Variants in AK1 observed in about 807,000 individuals in gnomAD.
AK1 encodes adenylate kinase 1.
A neutral mutation model predicts 23.9 loss-of-function variants in AK1; 13 were observed. That is an observed-to-expected ratio of 0.54 (90% CI 0.35 to 0.86). The LOEUF (loss-of-function observed/expected upper bound fraction) is 0.86. Ranked by LOEUF, AK1 falls within the 40% of genes least tolerant of loss-of-function variation. The pLI, the probability that AK1 is intolerant of heterozygous loss-of-function variation, is 0.01. For synonymous variants in AK1, 97 were observed against 102.8 expected, an observed-to-expected ratio of 0.94 and a Z score of 0.34; for missense variants, 214 against 255.1, an observed-to-expected ratio of 0.84 and a Z score of 1.10.
Position 127,875,429 on chromosome 9 carries a change from A to C in AK1, c.-32-780T>G, listed in dbSNP as rs1829516677. On this transcript the variant is annotated intron_variant, in intron 1 of 6. Transcript: ENST00000644144. ...CCCCTATCTCAGAACTGCCCTCTGG[A>C]CACCTTTGGCCTCCACTTCTTCACT... Among the ~76,000 whole-genome samples the C allele has an allele frequency of 2.1e-5, 3 of 143,308 alleles. 1 individual carries two copies. The South Asian group carries it at 6.8e-4, about 32-fold the overall frequency. The allele number at this position is 143,308 out of a possible 152,430, so 94.0% of individuals were successfully genotyped here. A position where few individuals can be genotyped will look rare whatever the true frequency, so the allele number is the denominator to read the frequency against.
chr9:127,875,066 C>G (rs1829506862), intron 1 of AK1: 1 of 246,002 alleles, frequency 4.1e-6, no homozygotes, highest in Admixed American at 4.7e-5. Flanking sequence ...TCCCCAGGGC[C>G]AGAGGGAAGC....
intron 1 of AK1, among the ~76,000 whole-genome samples, chr9:127,875,849 A>C: frequency 6.6e-6 from 1 of 151,462 alleles, no homozygotes; most frequent in Non-Finnish European, 1.5e-5. Context: ...CTGTCTCCTC[A>C]CCACTATGTC....
At chr9:127,876,552 C>CG (rs1829541763) in intron 1 of AK1, among the ~76,000 whole-genome samples, 2 of 152,178 alleles carry the variant, frequency 1.3e-5, no homozygotes, top group Admixed American at 1.3e-4. Context: ...TGTGCTTCAG[C>CG]GGGGGTAGGA....
rs1338494405 is a variant in AK1, at chr9:127,868,442, C to T, written c.395G>A (p.Arg132His). ...PETMTQRLLK[R>H]GETSGRVDDN... ...GTCCACACGCCCGCTGGTCTCTCCA[C>T]GTTTCAAGAGCCGCTGGGTCATGGT... Residue 132 changes from arginine to histidine, a missense_variant, in exon 6 of 7, where the codon CGT (arginine) becomes CAT (histidine). Arg to His is a conservative substitution (Grantham distance 29, BLOSUM62 0). Coordinates refer to ENST00000644144, the MANE Select transcript of AK1 (RefSeq NM_000476.3). The surrounding 1 kb of genome is among the most constrained non-coding windows in gnomAD (Gnocchi z 4.1). The T allele has an allele frequency of 1.4e-5, 23 of 1,610,694 alleles. No homozygotes were observed. The highest frequency in any genetic ancestry group is 2.0e-5 in the Non-Finnish European group (23 of 1,178,552).
Position 127,867,007 on chromosome 9 carries a change from C to CTTTTTTTTTTTTTTTTTTTTTTTTTTTTT in AK1, c.*1000_*1001insAAAAAAAAAAAAAAAAAAAAAAAAAAAAA, listed in dbSNP as rs869298613. Reference sequence around the variant, plus strand: ...GACCATGACTCCCCCAATTCAATTTCTTTTTTTTTTTTTTTTTTTTTGAGA... The same window carrying CTTTTTTTTTTTTTTTTTTTTTTTTTTTTT: ...GACCATGACTCCCCCAATTCAATTTCTTTTTTTTTTTTTTTTTTTTTTTTTTTTTTTTTTTTTTTTTTTTTTTTTTGAGA... On this transcript the variant is annotated 3_prime_UTR_variant, in exon 7 of 7. Coordinates refer to ENST00000644144, the MANE Select transcript of AK1 (RefSeq NM_000476.3). The CTTTTTTTTTTTTTTTTTTTTTTTTTTTTT allele has an allele frequency of 8.7e-6, 1 of 115,086 alleles. No individual in the cohort carries two copies. Among genetic ancestry groups the CTTTTTTTTTTTTTTTTTTTTTTTTTTTTT allele is most frequent in the Non-Finnish European group, 1.7e-5 (1 of 57,544 alleles). The allele number at this position is 115,086 out of a possible 1,614,324, so 7.1% of individuals were successfully genotyped here.
chr9:127,873,381 C>T (rs998875170), intron 2 of AK1: 16 of 1,576,842 alleles, frequency 1.0e-5, no homozygotes, highest in Middle Eastern at 1.7e-4. Flanking sequence ...GCCTGGACCC[C>T]GGGGCCGGTC....
rs1829291202 is a variant in AK1 at position 127,868,157 on chromosome 9, C to T, written c.517-81G>A. On this transcript the variant is annotated intron_variant, in intron 6 of 6. Coordinates refer to ENST00000644144, the MANE Select transcript of AK1 (RefSeq NM_000476.3). This position sits in a 1 kb window ranked among gnomAD's most constrained non-coding sequence, Gnocchi z 4.1. The stretch of plus-strand genomic sequence containing the variant: ...ACCATGGCAGGCCCCAGAGACCAGG[C>T]CTGCCTCCCCGAGCCCAACCTAATT... 3 of 1,544,906 alleles carry T rather than the reference C, an allele frequency of 1.9e-6. No homozygotes were observed. The highest frequency in any genetic ancestry group is 2.7e-6 in the Non-Finnish European group (3 of 1,120,972).
rs557189203 is a variant in AK1 at position 127,868,668 on chromosome 9, C to T, written c.325-156G>A. On this transcript the variant is annotated intron_variant, in intron 5 of 6. Coordinates refer to ENST00000644144, the MANE Select transcript of AK1 (RefSeq NM_000476.3). The surrounding 1 kb of genome is among the most constrained non-coding windows in gnomAD (Gnocchi z 4.1). Reference sequence around the variant, plus strand: ...AAGACCTTCCTAAAACCAATCTTTCCTGCCACTCCCCTGCTCAAACCTACA... The same window carrying T: ...AAGACCTTCCTAAAACCAATCTTTCTTGCCACTCCCCTGCTCAAACCTACA... Among the ~76,000 whole-genome samples the T allele has an allele frequency of 6.6e-6, 1 of 152,236 alleles. No individual in the cohort carries two copies. Among genetic ancestry groups the T allele is most frequent in the South Asian group, 2.1e-4 (1 of 4,828 alleles).
rs755076598 is a variant in AK1 at position 127,868,122 on chromosome 9, G to A, written c.517-46C>T. The A allele has an allele frequency of 1.9e-5, 30 of 1,602,132 alleles. No individual in the cohort carries two copies. The highest frequency in any genetic ancestry group is 5.0e-5 in the Admixed American group (3 of 59,950). ...AGGGCTGAGTCACCAGGTGGAGTGG[G>A]GTGGGCCTCACCATGGCAGGCCCCA... On this transcript the variant is annotated intron_variant, in intron 6 of 6. Transcript: ENST00000644144. This position sits in a 1 kb window ranked among gnomAD's most constrained non-coding sequence, Gnocchi z 4.1.
At chr9:127,870,247 G>C (rs112824996) in intron 5 of AK1, among the ~76,000 whole-genome samples, 3,610 of 149,048 alleles carry the variant, frequency 0.024, 141 homozygotes, top group African/African-American at 0.083. Flanking sequence ...TGTTGTTCAG[G>C]CTTGAGTGCA....
At chr9:127,875,870 T>C (rs2767397) in intron 1 of AK1, among the ~76,000 whole-genome samples, 10 of 152,280 alleles carry the variant, frequency 6.6e-5, no homozygotes, top group African/African-American at 2.4e-4. Context: ...CTGTGCTAAG[T>C]AAGGGGCCTG....
rs1220993686 is a variant in AK1 at position 127,877,183 on chromosome 9, T to A, written c.-33+440A>T. 2.6e-5 allele frequency among the ~76,000 whole-genome samples: 4 copies of A among 152,104 alleles called. No individual in the cohort carries two copies. Among genetic ancestry groups the A allele is most frequent in the Admixed American group, 2.6e-4 (4 of 15,274 alleles). ...TGAGCATCCAGGGGGTGTTCTCCAA[T>A]GCACCCAGCACTAGAAGTGGAGTGA... is the stretch of plus-strand genomic sequence containing the variant. On this transcript the variant is annotated intron_variant, in intron 1 of 6. Transcript: ENST00000644144. This position sits in a 1 kb window ranked among gnomAD's most constrained non-coding sequence, Gnocchi z 5.2.
chr9:127,872,601 G>A (rs1829438738), intron 4 of AK1, 89 bp downstream of exon 4: 1 of 1,565,582 alleles, frequency 6.4e-7, no homozygotes, highest in African/African-American at 1.4e-5. Flanking sequence ...GGTCAGCTTT[G>A]CCTGTGTGCC....
chr9:127,869,417 C>T (rs897644557), intron 5 of AK1: 6 of 153,108 alleles, frequency 3.9e-5, no homozygotes, highest in Non-Finnish European at 7.3e-5. Flanking sequence ...TCAGGTCAGG[C>T]TGTTTCGTGC....
rs1588616906 is a variant in AK1 at position 127,872,591 on chromosome 9, G to A, written c.207+99C>T. 15 of 1,528,182 alleles carry A rather than the reference G, an allele frequency of 9.8e-6. 1 individual carries two copies. Among genetic ancestry groups the A allele is most frequent in the South Asian group, 6.8e-5 (6 of 87,658 alleles). 94.7% of individuals were successfully genotyped at this position (1,528,182 alleles called of 1,614,324 possible). On this transcript the variant is annotated intron_variant, in intron 4 of 6. Coordinates refer to ENST00000644144, the MANE Select transcript of AK1 (RefSeq NM_000476.3). ...AGGGTTTGGAGCCGGGGGCGGTTAC[G>A]GTCAGCTTTGCCTGTGTGCCGTGGG...
rs1829413648 is a variant in AK1 at position 127,871,703 on chromosome 9, A to G, written c.324+120T>C. The G allele has an allele frequency of 1.2e-6, 1 of 833,078 alleles. No individual in the cohort carries two copies. Among genetic ancestry groups the G allele is most frequent in the Non-Finnish European group, 2.1e-6 (1 of 481,210 alleles). 51.6% of individuals were successfully genotyped at this position (833,078 alleles called of 1,614,324 possible). A position where few individuals can be genotyped will look rare whatever the true frequency, so the allele number is the denominator to read the frequency against. On this transcript the variant is annotated intron_variant, in intron 5 of 6. Coordinates refer to ENST00000644144, the MANE Select transcript of AK1 (RefSeq NM_000476.3). The surrounding 1 kb of genome is among the most constrained non-coding windows in gnomAD (Gnocchi z 4.4). ...TGGTTTTCCTCCTCACCCACACTCC[A>G]TGAATCAGCCTCTGCTCAGAACTCT...
At chr9:127,874,735 G>A (rs1031688641) in intron 1 of AK1, 86 bp from the exon 2 acceptor site, 4 of 1,348,870 alleles carry the variant, frequency 3.0e-6, no homozygotes, top group African/African-American at 2.9e-5. Context: ...GGCAACTGGT[G>A]TGTGCCAGGC....
rs1355469434 is a variant in AK1, at chr9:127,871,882, C to A, written c.265G>T (p.Gly89Cys). 1.2e-6 allele frequency: 2 copies of A among 1,614,040 alleles called. No homozygotes were observed. Among genetic ancestry groups the A allele is most frequent in the African/African-American group, 2.7e-5 (2 of 74,894 alleles). Residue 89 changes from glycine to cysteine, a missense_variant, in exon 5 of 7, where the codon GGC becomes TGC. Gly to Cys is a radical substitution (Grantham distance 159). Coordinates refer to ENST00000644144, the MANE Select transcript of AK1 (RefSeq NM_000476.3). This position sits in a 1 kb window ranked among gnomAD's most constrained non-coding sequence, Gnocchi z 4.4. ...AMVAKVNTSK[G>C]FLIDGYPREV... is the part of the protein sequence containing the mutation. ...CGCGGGTAGCCATCAATCAGGAAGCCTTTGGAAGTATTGACTTTGGCCACC... is the reference window on the plus strand; with the variant it reads ...CGCGGGTAGCCATCAATCAGGAAGCATTTGGAAGTATTGACTTTGGCCACC...
rs1399781448 is a variant in AK1 at position 127,866,831 on chromosome 9, A to G, written c.*1177T>C. The stretch of plus-strand genomic sequence containing the variant: ...CCAGCCCTCATGGCCGTGGCAATGG[A>G]CAGCGTCCACTCCTCACTCAGTGTG... On this transcript the variant is annotated 3_prime_UTR_variant, in exon 7 of 7. Coordinates refer to ENST00000644144, the MANE Select transcript of AK1 (RefSeq NM_000476.3). 2 of 152,294 alleles carry G rather than the reference A, an allele frequency of 1.3e-5. No homozygotes were observed. The highest frequency in any genetic ancestry group is 3.9e-4 in the East Asian group (2 of 5,168). The allele number at this position is 152,294 out of a possible 1,614,324, so 9.4% of individuals were successfully genotyped here. A position where few individuals can be genotyped will look rare whatever the true frequency, so the allele number is the denominator to read the frequency against.
Sources: gnomAD v4.1 joint callset for allele counts (sites outside exome capture counted in the v4.1 genomes callset) on GRCh38, gnomAD v4.1.1 for gene constraint, Gnocchi (gnomAD v3.1) non-coding constraint, MANE v1.5 for transcripts, NCBI Gene and HGNC (gene_info 2026-07-23, HGNC 2026-07-21) for gene names.